Variants in RIMS1 observed in about 807,000 individuals in gnomAD.
RIMS1 encodes regulating synaptic membrane exocytosis protein 1.
A neutral mutation model predicts 214.1 loss-of-function variants in RIMS1; 83 were observed. The observed-to-expected ratio is 0.39, with a 90% confidence interval of 0.32 to 0.47. The LOEUF is 0.47. RIMS1 is among the 20% of genes least tolerant of loss of function. RIMS1 has a pLI of 0.99. For synonymous variants in RIMS1, 793 were observed against 786.8 expected, an observed-to-expected ratio of 1.01 and a Z score of -0.13; for missense variants, 2,050 against 2,161.8, an observed-to-expected ratio of 0.95 and a Z score of 1.03.
chr6:71,933,971 A>G (rs1783835708), intron 1 of RIMS1, among the ~76,000 whole-genome samples: 1 of 152,166 alleles, frequency 6.6e-6, no homozygotes, highest in Admixed American at 6.5e-5. Flanking sequence ...ACTAAGGGAA[A>G]TCCATAACTT....
At chr6:72,133,330 A>G (rs1403949531) in intron 4 of RIMS1, among the ~76,000 whole-genome samples, 1 of 150,596 alleles carries the variant, frequency 6.6e-6, no homozygotes, top group Non-Finnish European at 1.5e-5. Flanking sequence ...TTTTGTTGCT[A>G]GCCTTCAAGT....
At chr6:72,059,211 C>G (rs1280510111) in intron 2 of RIMS1, among the ~76,000 whole-genome samples, 2 of 152,118 alleles carry the variant, frequency 1.3e-5, no homozygotes, top group African/African-American at 4.8e-5. Context: ...TGACAGGTTT[C>G]TGCTAGGCAT....
chr6:72,224,711 A>T (rs920665378), intron 6 of RIMS1, among the ~76,000 whole-genome samples: 1 of 152,170 alleles, frequency 6.6e-6, no homozygotes, highest in Non-Finnish European at 1.5e-5. Flanking sequence ...TATACAATCT[A>T]TATGGATTTG....
At chr6:72,375,246 G>A (rs113794404) in intron 29 of RIMS1, among the ~76,000 whole-genome samples, 7 of 152,184 alleles carry the variant, frequency 4.6e-5, no homozygotes, top group Admixed American at 1.3e-4. Context: ...CAAGTTTAGC[G>A]TTTCTGATTT....
intron 2 of RIMS1, among the ~76,000 whole-genome samples, chr6:71,995,326 A>G (rs146731287): frequency 6.6e-6 from 1 of 152,174 alleles, no homozygotes; most frequent in Non-Finnish European, 1.5e-5. Flanking sequence ...GCCTCAGACT[A>G]TATTTTCTTT....
chr6:72,139,240 A>G (rs754145277), intron 4 of RIMS1, among the ~76,000 whole-genome samples: 1 of 151,992 alleles, frequency 6.6e-6, no homozygotes, highest in Non-Finnish European at 1.5e-5. Context: ...ACCTCTCCCA[A>G]CTTGATCTCA....
At chr6:72,325,059 G>T (rs939254328) in intron 28 of RIMS1, among the ~76,000 whole-genome samples, 2 of 151,924 alleles carry the variant, frequency 1.3e-5, no homozygotes, top group Admixed American at 1.3e-4. Flanking sequence ...TTTTCACCAA[G>T]AAATATCCTG....
At chr6:72,057,743 G>A (rs924013189) in intron 2 of RIMS1, among the ~76,000 whole-genome samples, 3 of 152,062 alleles carry the variant, frequency 2.0e-5, no homozygotes, top group African/African-American at 7.2e-5. Context: ...TCCTGACTTC[G>A]TGATCTGCCC....
intron 6 of RIMS1, chr6:72,216,916 T>G: frequency 8.0e-7 from 1 of 1,256,704 alleles, no homozygotes; most frequent in Non-Finnish European, 1.0e-6. Flanking sequence ...GCACTATAGA[T>G]TAATGCTGTA....
intron 29 of RIMS1, among the ~76,000 whole-genome samples, chr6:72,349,364 A>G (rs1382351145): frequency 2.6e-5 from 4 of 152,046 alleles, no homozygotes. Flanking sequence ...AATAGTAAAT[A>G]ATTATACTAC....
At chr6:71,962,408 T>A in intron 1 of RIMS1, among the ~76,000 whole-genome samples, 1 of 152,150 alleles carries the variant, frequency 6.6e-6, no homozygotes, top group Non-Finnish European at 1.5e-5. Flanking sequence ...CCTTGCCTTA[T>A]AACTAGGAAC....
chr6:72,022,206 A>G (rs1029673733), intron 2 of RIMS1, among the ~76,000 whole-genome samples: 5 of 152,158 alleles, frequency 3.3e-5, no homozygotes, highest in African/African-American at 1.2e-4. Flanking sequence ...TTTACAGAAA[A>G]TTTATAGTTT....
chr6:72,317,646 G>A (rs1465131160), intron 28 of RIMS1, among the ~76,000 whole-genome samples: 1 of 152,102 alleles, frequency 6.6e-6, no homozygotes, highest in Non-Finnish European at 1.5e-5. Context: ...TTTCACAATA[G>A]TTCTTCAATT....
intron 4 of RIMS1, among the ~76,000 whole-genome samples, chr6:72,137,863 A>T (rs916986935): frequency 1.3e-5 from 2 of 150,524 alleles, no homozygotes; most frequent in South Asian, 2.1e-4. Flanking sequence ...CACCCTCCCG[A>T]GTAACTGGGA....
chr6:72,090,791 A>T (rs1836007441), intron 2 of RIMS1, among the ~76,000 whole-genome samples: 1 of 152,206 alleles, frequency 6.6e-6, no homozygotes, highest in Admixed American at 6.5e-5. Flanking sequence ...GTGTAGTGTG[A>T]TGTCAAAATG....
intron 29 of RIMS1, among the ~76,000 whole-genome samples, chr6:72,380,026 A>C (rs1164519632): frequency 2.0e-5 from 3 of 152,232 alleles, no homozygotes; most frequent in Non-Finnish European, 4.4e-5. Context: ...AGACTGGATT[A>C]AGAAAATATG....
intron 2 of RIMS1, among the ~76,000 whole-genome samples, chr6:71,998,387 C>T (rs536061886): frequency 1.3e-5 from 2 of 152,180 alleles, no homozygotes; most frequent in Non-Finnish European, 2.9e-5. Flanking sequence ...CACTGTTTCT[C>T]GCGCCTCTTC....
At chr6:71,942,297 C>G (rs1786402552) in intron 1 of RIMS1, among the ~76,000 whole-genome samples, 1 of 152,142 alleles carries the variant, frequency 6.6e-6, no homozygotes, top group East Asian at 1.9e-4. Context: ...TAAAAATGAA[C>G]TGCTTAAATC....
intron 2 of RIMS1, among the ~76,000 whole-genome samples, chr6:71,979,803 A>G (rs1002380358): frequency 6.6e-6 from 1 of 152,088 alleles, no homozygotes; most frequent in African/African-American, 2.4e-5. Context: ...GGAAACGTGT[A>G]TTTGGAAAAT....
Sources: allele counts gnomAD v4.1 joint callset (sites outside exome capture counted in the v4.1 genomes callset), GRCh38; gene constraint gnomAD v4.1.1; transcripts MANE v1.5; gene names NCBI Gene and HGNC (gene_info 2026-07-23, HGNC 2026-07-21).